Variants in SP110 observed in about 807,000 individuals in gnomAD.
SP110 encodes interferon-induced protein 41, 30kD.
SP110 carries 62 observed loss-of-function variants against 92.7 expected under a neutral mutation model. That is an observed-to-expected ratio of 0.67 (90% CI 0.55 to 0.83). The LOEUF (loss-of-function observed/expected upper bound fraction) is 0.83, where lower values mean the gene tolerates loss of function less well. Among genes scored for constraint, SP110 ranks in the 40% least tolerant of loss-of-function variants. SP110 has a pLI of 0.00. For missense variants in SP110, 793 were observed against 863.9 expected (o/e 0.92, Z 1.03); for synonymous variants, 273 against 305.3 (o/e 0.89, Z 1.10).
intron 14 of SP110, among the ~76,000 whole-genome samples, chr2:230,176,313 G>T (rs2041857482): frequency 6.6e-6 from 1 of 152,052 alleles, no homozygotes; most frequent in Non-Finnish European, 1.5e-5. Context: ...AGCCTTAGCT[G>T]GGACTACAGG....
intron 15 of SP110, chr2:230,172,470 G>A: frequency 1.8e-6 from 1 of 547,302 alleles, no homozygotes; most frequent in Non-Finnish European, 3.3e-6. Context: ...TTGAGTGTCA[G>A]AATCTGGGCT....
Position 230,170,675 on chromosome 2 carries a change from T to A in SP110, c.1974A>T (p.Ala658=). 1 of 1,614,198 alleles carries A rather than the reference T, an allele frequency of 6.2e-7. No homozygotes were observed. Among genetic ancestry groups the A allele is most frequent in the Non-Finnish European group, 8.5e-7 (1 of 1,180,032 alleles). The change falls in exon 18 of 19, where the codon GCA becomes GCT. Residue 658 remains alanine (A), a synonymous_variant. Coordinates refer to ENST00000258381, the MANE Select transcript of SP110 (RefSeq NM_080424.4). The part of the protein sequence containing the change: ...ERLITEMYTV[A]WFVRDMRLMF... Reference sequence around the variant, plus strand: ...TCAGGCGCATGTCTCGCACAAACCATGCCACCGTGTACATTTCCGTAATCA... The same window carrying A: ...TCAGGCGCATGTCTCGCACAAACCAAGCCACCGTGTACATTTCCGTAATCA...
Position 230,172,122 on chromosome 2 carries a change from G to A in SP110, c.1759C>T (p.Gln587Ter). Residue 587 changes from glutamine to a stop codon, truncating the protein, a stop_gained, in exon 16 of 19, where the codon CAG (glutamine) becomes TAG (stop). Transcript: ENST00000258381. LOFTEE classifies it high-confidence loss of function. ...AGGGTCTTAGATACATGATGGCACT[G>A]TTGGCTTCCTGAAGACCTCTTCATC... is the stretch of plus-strand genomic sequence containing the variant. ...CRMKRSSGSQ[Q>*]CHHVSKTLER... 1.2e-6 allele frequency: 2 copies of A among 1,613,820 alleles called. No individual in the cohort carries two copies. Among genetic ancestry groups the A allele is most frequent in the Non-Finnish European group, 1.7e-6 (2 of 1,179,658 alleles).
chr2:230,213,042 G>A lies in SP110; in HGVS notation c.317-15C>T. 2.5e-6 allele frequency: 4 copies of A among 1,613,374 alleles called. No individual in the cohort carries two copies. Among genetic ancestry groups the A allele is most frequent in the South Asian group, 2.2e-5 (2 of 91,072 alleles). On this transcript the variant is annotated splice_polypyrimidine_tract_variant and intron_variant, in intron 3 of 18. Transcript: ENST00000258381. ...GGAAGCACCAACTGGGATTGGTGAAGGGACACACATCAGTACCCTGGAGAC... is the reference window on the plus strand; with the variant it reads ...GGAAGCACCAACTGGGATTGGTGAAAGGACACACATCAGTACCCTGGAGAC...
intron 14 of SP110, chr2:230,176,449 T>G: frequency 8.4e-6 from 12 of 1,424,394 alleles, no homozygotes; most frequent in Non-Finnish European, 1.1e-5. Flanking sequence ...TATCCAGATC[T>G]TTTTCTAAAA....
intron 11 of SP110, among the ~76,000 whole-genome samples, chr2:230,184,114 T>C (rs1202832445): frequency 6.6e-6 from 1 of 152,218 alleles, no homozygotes. Flanking sequence ...CCGAGTGGGA[T>C]ACAGCAGGAT....
intron 18 of SP110, among the ~76,000 whole-genome samples, chr2:230,169,584 A>G (rs1434015871): frequency 6.6e-6 from 1 of 152,200 alleles, no homozygotes. Flanking sequence ...CGGACTCCCA[A>G]AAAGCTGGGA....
intron 6 of SP110, 35 bp from the exon 7 acceptor site, chr2:230,210,043 G>T: frequency 7.7e-7 from 1 of 1,306,338 alleles, no homozygotes. Context: ...TCAGAGCTCA[G>T]ATCCAGTGAA....
chr2:230,212,664 T>G, intron 4 of SP110, 97 bp downstream of exon 4: 1 of 1,486,994 alleles, frequency 6.7e-7, no homozygotes, highest in Non-Finnish European at 9.4e-7. Flanking sequence ...AGAGAAGAAC[T>G]AGGACAATAA....
In SP110 at chr2:230,200,825, C is replaced by T. The variant is rs935791511; in HGVS notation, c.1129+60G>A. The T allele has an allele frequency of 4.0e-6, 5 of 1,250,934 alleles. No individual in the cohort carries two copies. The African/African-American group carries it at 7.4e-5, about 18-fold the overall frequency. 77.5% of individuals were successfully genotyped at this position (1,250,934 alleles called of 1,614,324 possible). A position where few individuals can be genotyped will look rare whatever the true frequency, so the allele number is the denominator to read the frequency against. On this transcript the variant is annotated intron_variant, in intron 10 of 18. Transcript: ENST00000258381. ...TAAGAAATATTGCCTCAGTGTAAGA[C>T]AGCTCTGAATTTAGATTCCTGGTGA...
In SP110 at chr2:230,214,937, G is replaced by C; in HGVS notation, c.316+13C>G. The C allele has an allele frequency of 6.2e-7, 1 of 1,612,666 alleles. No individual in the cohort carries two copies. Among genetic ancestry groups the C allele is most frequent in the Non-Finnish European group, 8.5e-7 (1 of 1,178,686 alleles). ...CTTTTTAAATGCAAAAAGCACTTGA[G>C]AAATCTCATTACCACGTTTGAAGCT... On this transcript the variant is annotated intron_variant, in intron 3 of 18. Coordinates refer to ENST00000258381, the MANE Select transcript of SP110 (RefSeq NM_080424.4).
chr2:230,177,816 G>A (rs1271498865), intron 13 of SP110, 136 bp from the exon 14 acceptor site: 10 of 998,810 alleles, frequency 1.0e-5, no homozygotes, highest in Non-Finnish European at 1.6e-5. Flanking sequence ...AGTAGCAGGG[G>A]AGTCTGCGGG....
Position 230,178,257 on chromosome 2 carries a change from T to A in SP110, c.1349-2A>T, listed in dbSNP as rs1408372648. On this transcript the variant is annotated splice_acceptor_variant, in intron 12 of 18. Coordinates refer to ENST00000258381, the MANE Select transcript of SP110 (RefSeq NM_080424.4). LOFTEE classifies it high-confidence loss of function. ...CCACAGTGTCACTTTTGGGTTTTCC[T>A]TAAAGTAGAAGAGAACAGTTTTGTG... The A allele has an allele frequency of 6.3e-7, 1 of 1,590,244 alleles. No individual in the cohort carries two copies. The highest frequency in any genetic ancestry group is 8.6e-7 in the Non-Finnish European group (1 of 1,159,000).
Position 230,172,872 on chromosome 2 carries a change from A to T in SP110, c.1678T>A (p.Cys560Ser). The T allele has an allele frequency of 6.2e-7, 1 of 1,613,816 alleles. No individual in the cohort carries two copies. Among genetic ancestry groups the T allele is most frequent in the Non-Finnish European group, 8.5e-7 (1 of 1,179,672 alleles). Residue 560 changes from cysteine (C) to serine (S), a missense_variant, in exon 15 of 19, where the codon TGT (cysteine) becomes AGT (serine). Transcript: ENST00000258381. ...GTCPRVFHED[C>S]HIPPVEAKRM... ...TTGGCTTCCACAGGGGGGATGTGAC[A>T]GTCCTCATGGAAGACTCGTGGACAA...
At chr2:230,172,196 G>A (rs370664476) in intron 15 of SP110, 22 bp from the exon 16 acceptor site, 2 of 1,442,944 alleles carry the variant, frequency 1.4e-6, no homozygotes, top group Admixed American at 1.7e-5. Context: ...GACACAAGGT[G>A]AGCAGAGGGC....
At chr2:230,179,862 A>T (rs2042049183) in intron 12 of SP110, among the ~76,000 whole-genome samples, 1 of 152,034 alleles carries the variant, frequency 6.6e-6, no homozygotes, top group Non-Finnish European at 1.5e-5. Context: ...GAGGACAAAC[A>T]TCAGTCCCTT....
intron 14 of SP110, among the ~76,000 whole-genome samples, chr2:230,176,924 C>T (rs541500286): frequency 6.6e-6 from 1 of 152,264 alleles, no homozygotes; most frequent in African/African-American, 2.4e-5. Flanking sequence ...ATCACTTTTT[C>T]CCCTGTCACT....
rs763110758 is a variant in SP110 at position 230,212,846 on chromosome 2, G to A, written c.498C>T (p.Ser166=). Reference sequence around the variant, plus strand: ...TGGGCGACTCACTCAGGATCTCATCGCTTTGCTGGGAGGATGTTCCAGGCT... The same window carrying A: ...TGGGCGACTCACTCAGGATCTCATCACTTTGCTGGGAGGATGTTCCAGGCT... The part of the protein sequence containing the change: ...VSEPGTSSQQ[S]DEILSESPSP... Residue 166 remains serine (S), a synonymous_variant, in exon 4 of 19, where the codon AGC becomes AGT. Coordinates refer to ENST00000258381, the MANE Select transcript of SP110 (RefSeq NM_080424.4). 1.3e-5 allele frequency: 21 copies of A among 1,613,966 alleles called. No individual in the cohort carries two copies. The highest frequency in any genetic ancestry group is 2.7e-5 in the African/African-American group (2 of 74,880).
intron 11 of SP110, among the ~76,000 whole-genome samples, chr2:230,184,107 A>C (rs1240988569): frequency 6.6e-6 from 1 of 152,226 alleles, no homozygotes; most frequent in Non-Finnish European, 1.5e-5. Context: ...CGCATCCCCG[A>C]GTGGGATACA....
Sources: allele counts gnomAD v4.1 joint callset (sites outside exome capture counted in the v4.1 genomes callset), GRCh38; gene constraint gnomAD v4.1.1; transcripts MANE v1.5; gene names NCBI Gene and HGNC (gene_info 2026-07-23, HGNC 2026-07-21).